The following PTPRD variants were observed in gnomAD, a reference collection of about 807,000 sequenced individuals.
The protein encoded by PTPRD is receptor-type tyrosine-protein phosphatase delta.
PTPRD carries 34 observed loss-of-function variants against 214.5 expected under a neutral mutation model. That is an observed-to-expected ratio of 0.16 (90% CI 0.12 to 0.21). The LOEUF (loss-of-function observed/expected upper bound fraction) is 0.21. PTPRD is among the 10% of genes least tolerant of loss of function. PTPRD has a pLI of 1.00. For missense variants in PTPRD, 2,545 were observed against 2,398.7 expected (o/e 1.06, Z -1.27); for synonymous variants, 1,128 against 845.7 (o/e 1.33, Z -5.79).
chr9:8,355,459 T>C (rs185583362), intron 39 of PTPRD, among the ~76,000 whole-genome samples: 6 of 152,282 alleles, frequency 3.9e-5, no homozygotes, highest in Admixed American at 1.3e-4. Flanking sequence ...TATGCATACA[T>C]ACTGACGAAT....
intron 6 of PTPRD, among the ~76,000 whole-genome samples, chr9:9,760,649 C>T (rs1178269759): frequency 2.4e-5 from 2 of 83,458 alleles, no homozygotes; most frequent in African/African-American, 5.2e-5. Flanking sequence ...CACACACACA[C>T]ACACATATAT....
chr9:9,893,889 T>A (rs2074175293), intron 5 of PTPRD, among the ~76,000 whole-genome samples: 1 of 152,054 alleles, frequency 6.6e-6, no homozygotes, highest in African/African-American at 2.4e-5. Context: ...GACATGATCA[T>A]AGCTCACTGT....
In PTPRD at chr9:10,002,327, TATAA is replaced by T. The variant is rs1431048795; in HGVS notation, c.-472+31387_-472+31390del. Among the ~76,000 whole-genome samples the T allele has an allele frequency of 4.5e-5, 3 of 66,194 alleles. No homozygotes were observed. In the East Asian group the frequency reaches 2.7e-3, roughly 60 times the overall value. 43.4% of individuals were successfully genotyped at this position (66,194 alleles called of 152,430 possible). ...TGTTACTTTATAATTTGTCTTTAAA[TATAA>T]ATATATATATATATATTTATATAAA... On this transcript the variant is annotated intron_variant, in intron 4 of 45. Coordinates refer to ENST00000381196, the MANE Select transcript of PTPRD (RefSeq NM_002839.4).
At position 10,265,893 on chromosome 9, in the gene PTPRD, A is replaced by G. The variant is rs184729900; in HGVS notation, c.-545+75070T>C. ...TATAAGTGAAATCAGCATTACAGTA[A>G]TCTAGTTTATGTCCCGCAAAAATAT... On this transcript the variant is annotated intron_variant, in intron 3 of 45. Transcript: ENST00000381196. Among the ~76,000 whole-genome samples, 1,274 of 152,324 alleles carry G rather than the reference A, an allele frequency of 8.4e-3. 8 individuals are homozygous for G. Among genetic ancestry groups the G allele is most frequent in the Admixed American group, 0.014 (216 of 15,310 alleles).
chr9:8,502,399 C>A (rs1354486843), intron 23 of PTPRD, among the ~76,000 whole-genome samples: 1 of 151,986 alleles, frequency 6.6e-6, no homozygotes, highest in Non-Finnish European at 1.5e-5. Flanking sequence ...TTACGGAGTG[C>A]CAGGTGTATC....
intron 8 of PTPRD, among the ~76,000 whole-genome samples, chr9:9,570,153 T>C (rs1018232622): frequency 6.6e-6 from 1 of 151,564 alleles, no homozygotes; most frequent in African/African-American, 2.4e-5. Context: ...AAATTCAAAC[T>C]TCATTTATGT....
chr9:9,106,046 G>C (rs1441630944), intron 10 of PTPRD, among the ~76,000 whole-genome samples: 2 of 152,122 alleles, frequency 1.3e-5, no homozygotes, highest in Admixed American at 1.3e-4. Context: ...GTCGATGGCT[G>C]AGATACCTGG....
At chr9:10,224,559 C>T (rs547375439) in intron 3 of PTPRD, among the ~76,000 whole-genome samples, 79 of 151,910 alleles carry the variant, frequency 5.2e-4, no homozygotes, top group Non-Finnish European at 9.0e-4. Context: ...GAAATTCTGC[C>T]ATGCCTATCC....
At chr9:8,667,258 G>T (rs940886871) in intron 12 of PTPRD, among the ~76,000 whole-genome samples, 2 of 152,190 alleles carry the variant, frequency 1.3e-5, no homozygotes, top group African/African-American at 2.4e-5. Context: ...AGTATCGCTT[G>T]AACACGGGAC....
chr9:8,933,131 G>A (rs1013013837), intron 11 of PTPRD, among the ~76,000 whole-genome samples: 3 of 151,972 alleles, frequency 2.0e-5, no homozygotes, highest in African/African-American at 2.4e-5. Context: ...GGAGTTCCCC[G>A]ACCCCTTGTG....
chr9:9,783,286 A>G (rs546435058), intron 5 of PTPRD, among the ~76,000 whole-genome samples: 30 of 152,300 alleles, frequency 2.0e-4, no homozygotes, highest in African/African-American at 7.0e-4. Context: ...AGCGTATTAT[A>G]CAGTGCAGTG....
chr9:9,092,546 A>C (rs1197088259), intron 10 of PTPRD, among the ~76,000 whole-genome samples: 1 of 152,052 alleles, frequency 6.6e-6, no homozygotes, highest in Non-Finnish European at 1.5e-5. Context: ...TAGTTATTCT[A>C]TTCACTTATA....
At chr9:9,135,680 AG>A (rs2099849745) in intron 10 of PTPRD, among the ~76,000 whole-genome samples, 1 of 152,216 alleles carries the variant, frequency 6.6e-6, no homozygotes, top group Non-Finnish European at 1.5e-5. Context: ...CACTTTATGC[AG>A]GATTATTTGG....
At chr9:9,429,764 CAT>C (rs1055060925) in intron 8 of PTPRD, among the ~76,000 whole-genome samples, 5 of 152,230 alleles carry the variant, frequency 3.3e-5, no homozygotes, top group African/African-American at 1.2e-4. Context: ...AATCAATAAA[CAT>C]AATCCATCAT....
At chr9:9,637,735 G>A (rs1378714810) in intron 7 of PTPRD, among the ~76,000 whole-genome samples, 1 of 152,170 alleles carries the variant, frequency 6.6e-6, no homozygotes, top group Non-Finnish European at 1.5e-5. Flanking sequence ...TGGCTCCTTA[G>A]GCATTGCCCT....
chr9:8,513,094 T>C (rs1251500143), intron 21 of PTPRD, among the ~76,000 whole-genome samples: 1 of 152,026 alleles, frequency 6.6e-6, no homozygotes, highest in African/African-American at 2.4e-5. Context: ...CAAGGTAAAC[T>C]AGTTGCAAGT....
At chr9:10,082,946 C>T (rs576473471) in intron 3 of PTPRD, among the ~76,000 whole-genome samples, 6 of 151,916 alleles carry the variant, frequency 3.9e-5, no homozygotes, top group African/African-American at 1.4e-4. Flanking sequence ...AACTAAACGA[C>T]AGTTCTTACT....
At chr9:8,425,628 C>T (rs1535676) in intron 35 of PTPRD, among the ~76,000 whole-genome samples, 67,116 of 151,868 alleles carry the variant, frequency 0.44, 15,406 homozygotes, top group East Asian at 0.62. Context: ...TTGTCCCACT[C>T]CCAAGATTAA....
chr9:8,654,041 C>G (rs2096863556), intron 12 of PTPRD, among the ~76,000 whole-genome samples: 1 of 152,170 alleles, frequency 6.6e-6, no homozygotes, highest in South Asian at 2.1e-4. Context: ...AGAGCCTGTC[C>G]TGTGCATTGC....
Sources: gnomAD v4.1 joint callset for allele counts (sites outside exome capture counted in the v4.1 genomes callset) on GRCh38, gnomAD v4.1.1 for gene constraint, MANE v1.5 for transcripts, NCBI Gene and HGNC (gene_info 2026-07-23, HGNC 2026-07-21) for gene names.